TBC1D15: variants seen among roughly 807,000 people sequenced by gnomAD.
TBC1D15 encodes GAP for RAB7.
Under a neutral mutation model 95.4 loss-of-function variants are expected in TBC1D15, and 39 were observed. The ratio of observed to expected loss-of-function variants is 0.41; its 90% CI spans 0.32 to 0.53. The LOEUF (loss-of-function observed/expected upper bound fraction) is 0.53, where lower values mean the gene tolerates loss of function less well. TBC1D15 is among the 20% of genes least tolerant of loss of function. The probability of loss-of-function intolerance (pLI) is 0.29; values close to 1 mark genes in which losing one functional copy is unlikely to be tolerated. For synonymous variants in TBC1D15, 258 were observed against 261.3 expected (o/e 0.99, Z 0.12); for missense variants, 733 against 794.3 (o/e 0.92, Z 0.93).
At chr12:71,914,194 G>A (rs1204836209) in intron 12 of TBC1D15, among the ~76,000 whole-genome samples, 2 of 151,888 alleles carry the variant, frequency 1.3e-5, no homozygotes, top group Non-Finnish European at 2.9e-5. Flanking sequence ...AAAGAGCCAT[G>A]TGTCATTACA....
chr12:71,865,085 A>T (rs1341160098), intron 1 of TBC1D15, among the ~76,000 whole-genome samples: 1 of 152,138 alleles, frequency 6.6e-6, no homozygotes, highest in Non-Finnish European at 1.5e-5. Flanking sequence ...TGTGGCCCAT[A>T]AGCAGCTGCA....
chr12:71,862,348 C>A (rs1890566064), intron 1 of TBC1D15, among the ~76,000 whole-genome samples: 1 of 152,100 alleles, frequency 6.6e-6, no homozygotes. Flanking sequence ...CTTTATGTAT[C>A]TGGGTGCTTT....
intron 1 of TBC1D15, chr12:71,849,450 A>G (rs1592689427): frequency 9.5e-7 from 1 of 1,052,392 alleles, no homozygotes; most frequent in Non-Finnish European, 1.5e-6. Flanking sequence ...GGCCTCTTCA[A>G]GGGAAGATTC....
At chr12:71,913,702 C>G in intron 11 of TBC1D15, 124 bp from the exon 12 acceptor site, 1 of 630,774 alleles carries the variant, frequency 1.6e-6, no homozygotes, top group Non-Finnish European at 2.7e-6. Context: ...ACATCAGTGT[C>G]TACCAATTTC....
intron 1 of TBC1D15, among the ~76,000 whole-genome samples, chr12:71,868,173 A>G (rs919904183): frequency 3.2e-4 from 49 of 151,988 alleles, no homozygotes; most frequent in Non-Finnish European, 6.5e-4. Flanking sequence ...TTTGGGATGT[A>G]TAATTTGTTC....
intron 1 of TBC1D15, among the ~76,000 whole-genome samples, chr12:71,857,687 ATTC>A (rs994510060): frequency 6.6e-5 from 10 of 152,218 alleles, no homozygotes; most frequent in African/African-American, 2.4e-4. Flanking sequence ...TAGAACATTT[ATTC>A]TTTGTGTTAG....
chr12:71,847,037 G>A (rs1320476734), intron 1 of TBC1D15, among the ~76,000 whole-genome samples: 1 of 152,076 alleles, frequency 6.6e-6, no homozygotes, highest in Non-Finnish European at 1.5e-5. Flanking sequence ...TGGGATTACA[G>A]GTGAGGCACT....
At chr12:71,847,023 G>A (rs1886459835) in intron 1 of TBC1D15, among the ~76,000 whole-genome samples, 1 of 151,998 alleles carries the variant, frequency 6.6e-6, no homozygotes, top group African/African-American at 2.4e-5. Context: ...GCCTCCTAAA[G>A]TTCTGGGATT....
At chr12:71,857,497 A>G (rs1355059399) in intron 1 of TBC1D15, among the ~76,000 whole-genome samples, 2 of 152,172 alleles carry the variant, frequency 1.3e-5, no homozygotes, top group African/African-American at 4.8e-5. Flanking sequence ...TCAATTCATG[A>G]CAGAGTAATT....
At chr12:71,899,591 C>T (rs1898904241) in intron 10 of TBC1D15, among the ~76,000 whole-genome samples, 1 of 152,130 alleles carries the variant, frequency 6.6e-6, no homozygotes, top group Admixed American at 6.6e-5. Flanking sequence ...ACGCAGTAAG[C>T]TTTAGGTCTT....
chr12:71,896,756 G>T lies in TBC1D15; in HGVS notation c.1064G>T (p.Arg355Ile). 6.2e-7 allele frequency: 1 copy of T among 1,611,386 alleles called. No homozygotes were observed. Among genetic ancestry groups the T allele is most frequent in the Admixed American group, 1.7e-5 (1 of 59,496 alleles). Residue 355 changes from arginine (R) to isoleucine (I), a missense_variant, in exon 9 of 17, where the codon AGA becomes ATA. By Grantham distance (97) the Arg-to-Ile change is moderately conservative. Coordinates refer to ENST00000485960, the MANE Select transcript of TBC1D15 (RefSeq NM_001146213.3). ...YFPWDSTKEE[R>I]TQLQKQKTDE... Reference sequence around the variant, plus strand: ...CCCTGGGACAGTACCAAGGAGGAAAGAACCCAATTACAAAAGCAAAAAACG... The same window carrying T: ...CCCTGGGACAGTACCAAGGAGGAAATAACCCAATTACAAAAGCAAAAAACG...
At chr12:71,908,930 C>T (rs576083884) in intron 11 of TBC1D15, among the ~76,000 whole-genome samples, 1 of 152,314 alleles carries the variant, frequency 6.6e-6, no homozygotes, top group Non-Finnish European at 1.5e-5. Flanking sequence ...TTCAGCGCTT[C>T]AAACTCTTGC....
chr12:71,856,100 G>A (rs1889002315), intron 1 of TBC1D15, among the ~76,000 whole-genome samples: 1 of 152,110 alleles, frequency 6.6e-6, no homozygotes, highest in Non-Finnish European at 1.5e-5. Context: ...TATCCTTTGA[G>A]CAGTTTTCGT....
At chr12:71,894,608 G>T in intron 6 of TBC1D15, 78 bp from the exon 7 acceptor site, 1 of 1,306,958 alleles carries the variant, frequency 7.7e-7, no homozygotes, top group Non-Finnish European at 1.1e-6. Context: ...AAAAAGCTTT[G>T]CTTTTTTGCT....
chr12:71,842,808 G>A (rs1390853554), intron 1 of TBC1D15, among the ~76,000 whole-genome samples: 2 of 147,976 alleles, frequency 1.4e-5, no homozygotes, highest in Non-Finnish European at 3.0e-5. Context: ...TCCAGCTTGG[G>A]TGACAGACCA....
At chr12:71,845,981 A>AT (rs1173876574) in intron 1 of TBC1D15, among the ~76,000 whole-genome samples, 39 of 151,908 alleles carry the variant, frequency 2.6e-4, no homozygotes, top group African/African-American at 8.9e-4. Flanking sequence ...AAACTTCCTT[A>AT]TTTTTTCCAG....
chr12:71,887,505 C>T (rs1318066918), intron 5 of TBC1D15, among the ~76,000 whole-genome samples: 1 of 152,184 alleles, frequency 6.6e-6, no homozygotes, highest in Non-Finnish European at 1.5e-5. Flanking sequence ...ATTGTCTTTT[C>T]CATTCTACTC....
chr12:71,884,592 T>A (rs537591360), intron 4 of TBC1D15, among the ~76,000 whole-genome samples: 1 of 152,276 alleles, frequency 6.6e-6, no homozygotes, highest in East Asian at 1.9e-4. Flanking sequence ...AGGAATAACA[T>A]TTAAAACATT....
intron 10 of TBC1D15, among the ~76,000 whole-genome samples, chr12:71,902,627 A>AT (rs1899668622): frequency 6.6e-6 from 1 of 152,212 alleles, no homozygotes; most frequent in African/African-American, 2.4e-5. Flanking sequence ...TAAAGACCCT[A>AT]GAAGAAAATC....
Sources: gnomAD v4.1 joint callset for allele counts (sites outside exome capture counted in the v4.1 genomes callset) on GRCh38, gnomAD v4.1.1 for gene constraint, MANE v1.5 for transcripts, NCBI Gene and HGNC (gene_info 2026-07-23, HGNC 2026-07-21) for gene names.